Variants in CPPED1 observed in about 807,000 individuals in gnomAD.
CPPED1 encodes the protein serine/threonine-protein phosphatase CPPED1.
A neutral mutation model predicts 28.0 loss-of-function variants in CPPED1; 28 were observed. The observed-to-expected ratio is 1.00, with a 90% CI of 0.74 to 1.37. The LOEUF (loss-of-function observed/expected upper bound fraction) is 1.37, where lower values mean the gene tolerates loss of function less well. Among genes scored for constraint, CPPED1 ranks in the 40% most tolerant of loss-of-function variants. The pLI, the probability that CPPED1 is intolerant of heterozygous loss-of-function variation, is 0.00. For synonymous variants in CPPED1, 198 were observed against 180.2 expected (o/e 1.10, Z -0.79); for missense variants, 504 against 416.5 (o/e 1.21, Z -1.83).
intron 1 of CPPED1, among the ~76,000 whole-genome samples, chr16:12,785,492 A>G (rs530328329): frequency 6.7e-6 from 1 of 150,082 alleles, no homozygotes; most frequent in Non-Finnish European, 1.5e-5. Context: ...CAATGCTGCA[A>G]TCTCTGCTTA....
In CPPED1 at chr16:12,735,416, C is replaced by T. The variant is rs921560075; in HGVS notation, c.290-30367G>A. Among the ~76,000 whole-genome samples the T allele has an allele frequency of 4.6e-5, 7 of 152,312 alleles. No homozygotes were observed. The East Asian group carries it at 5.8e-4, about 13-fold the overall frequency. ...AACTGATTCTCCCGCCTTAGCGTTC[C>T]GCCTCAGCCTCCTGAGTAGATGGGA... On this transcript the variant is annotated intron_variant, in intron 2 of 3. Transcript: ENST00000381774.
chr16:12,785,620 G>T (rs2141241485), intron 1 of CPPED1, among the ~76,000 whole-genome samples: 1 of 152,012 alleles, frequency 6.6e-6, no homozygotes, highest in Non-Finnish European at 1.5e-5. Context: ...TAGAGACGGG[G>T]TTTCGCCATG....
intron 3 of CPPED1, among the ~76,000 whole-genome samples, chr16:12,691,983 A>T (rs1171850738): frequency 6.6e-6 from 1 of 151,892 alleles, no homozygotes; most frequent in Admixed American, 6.6e-5. Context: ...AAAAAAAACA[A>T]AAACAACATA....
rs148244101 is a variant in CPPED1 at position 12,776,954 on chromosome 16, T to G, written c.289+4231A>C. On this transcript the variant is annotated intron_variant, in intron 2 of 3. Coordinates refer to ENST00000381774, the MANE Select transcript of CPPED1 (RefSeq NM_018340.3). ...ATGTGCCTTTCGCCATCTGCCATGA[T>G]TGTGAGGTCTCTCCAGCCACGTGGA... Among the ~76,000 whole-genome samples the G allele has an allele frequency of 9.7e-4, 148 of 152,310 alleles. 1 individual carries two copies. The East Asian group carries it at 0.017, about 17-fold the overall frequency.
intron 3 of CPPED1, among the ~76,000 whole-genome samples, chr16:12,690,890 T>C (rs77649101): frequency 0.059 from 8,941 of 152,230 alleles, 597 homozygotes; most frequent in African/African-American, 0.16. Context: ...CCTCTGTGGT[T>C]GCAGCACCAG....
intron 1 of CPPED1, among the ~76,000 whole-genome samples, chr16:12,796,482 G>C (rs1774526337): frequency 6.6e-6 from 1 of 151,994 alleles, no homozygotes; most frequent in African/African-American, 2.4e-5. Flanking sequence ...GCGACAGAGT[G>C]AGACTCTGTC....
intron 1 of CPPED1, among the ~76,000 whole-genome samples, chr16:12,793,794 C>G (rs75685090): frequency 6.6e-6 from 1 of 152,108 alleles, no homozygotes; most frequent in South Asian, 2.1e-4. Context: ...ATGAGAGACA[C>G]ATATATATTT....
At chr16:12,788,148 T>C (rs1031946547) in intron 1 of CPPED1, among the ~76,000 whole-genome samples, 3 of 152,164 alleles carry the variant, frequency 2.0e-5, no homozygotes, top group Admixed American at 6.5e-5. Flanking sequence ...TGCTAGCAAA[T>C]GGAAGCTACA....
intron 2 of CPPED1, among the ~76,000 whole-genome samples, chr16:12,741,030 G>A (rs1358467149): frequency 1.3e-5 from 2 of 152,164 alleles, no homozygotes; most frequent in African/African-American, 4.8e-5. Flanking sequence ...ACATCTCTAA[G>A]GAGCCAGCAT....
At chr16:12,789,780 A>G (rs7196453) in intron 1 of CPPED1, among the ~76,000 whole-genome samples, 42,871 of 151,848 alleles carry the variant, frequency 0.28, 8,076 homozygotes, top group African/African-American at 0.54. Context: ...GCTCACCTTG[A>G]CCTCCCAAGG....
chr16:12,790,215 A>G (rs1432716893), intron 1 of CPPED1, among the ~76,000 whole-genome samples: 2 of 152,182 alleles, frequency 1.3e-5, no homozygotes, highest in Non-Finnish European at 2.9e-5. Flanking sequence ...TCAAATTGCA[A>G]TTGCTCTTTA....
chr16:12,786,512 T>TGTAC (rs2080564233), intron 1 of CPPED1, among the ~76,000 whole-genome samples: 1 of 152,222 alleles, frequency 6.6e-6, no homozygotes, highest in South Asian at 2.1e-4. Flanking sequence ...TCTCTGCCTA[T>TGTAC]GTACAGGTCA....
intron 3 of CPPED1, among the ~76,000 whole-genome samples, chr16:12,676,823 C>A (rs1409930609): frequency 1.3e-5 from 2 of 152,182 alleles, no homozygotes; most frequent in African/African-American, 2.4e-5. Flanking sequence ...GTTCTAGGCA[C>A]TTCACTTGTT....
At chr16:12,711,105 T>C (rs1596455771) in intron 2 of CPPED1, among the ~76,000 whole-genome samples, 1 of 152,208 alleles carries the variant, frequency 6.6e-6, no homozygotes, top group African/African-American at 2.4e-5. Context: ...GACAGATGAA[T>C]GGATAAGCGA....
At chr16:12,671,524 G>A (rs2079852736) in intron 3 of CPPED1, among the ~76,000 whole-genome samples, 1 of 152,198 alleles carries the variant, frequency 6.6e-6, no homozygotes, top group Non-Finnish European at 1.5e-5. Context: ...GAGCTCTTGG[G>A]ACTATAGCTA....
chr16:12,748,879 T>A (rs1053175319), intron 2 of CPPED1, among the ~76,000 whole-genome samples: 130 of 78,964 alleles, frequency 1.6e-3, no homozygotes, highest in African/African-American at 4.6e-3. Flanking sequence ...CGAGACTCCA[T>A]CTCAAAAAAA....
chr16:12,778,422 G>A (rs926126980), intron 2 of CPPED1, among the ~76,000 whole-genome samples: 2 of 150,808 alleles, frequency 1.3e-5, no homozygotes, highest in African/African-American at 4.9e-5. Context: ...GATCACAGGT[G>A]TACACCACCA....
At chr16:12,747,546 C>T (rs963898524) in intron 2 of CPPED1, among the ~76,000 whole-genome samples, 2 of 152,008 alleles carry the variant, frequency 1.3e-5, no homozygotes, top group Non-Finnish European at 2.9e-5. Context: ...AAAAATACAT[C>T]ACCTGAATAG....
intron 2 of CPPED1, among the ~76,000 whole-genome samples, chr16:12,741,976 C>A (rs8056851): frequency 6.6e-6 from 1 of 151,642 alleles, no homozygotes; most frequent in Non-Finnish European, 1.5e-5. Flanking sequence ...TGAGGCGGGA[C>A]AATCGCTTGA....
Sources: gnomAD v4.1 joint callset for allele counts (sites outside exome capture counted in the v4.1 genomes callset) on GRCh38, gnomAD v4.1.1 for gene constraint, MANE v1.5 for transcripts, NCBI Gene and HGNC (gene_info 2026-07-23, HGNC 2026-07-21) for gene names.